TMEM44: variants seen among roughly 807,000 people sequenced by gnomAD.
TMEM44 encodes transmembrane protein 44.
A neutral mutation model predicts 47.8 loss-of-function variants in TMEM44; 43 were observed. The observed-to-expected ratio is 0.90, with a 90% CI of 0.70 to 1.16. The LOEUF (loss-of-function observed/expected upper bound fraction) is 1.16, where lower values mean the gene tolerates loss of function less well. Among genes scored for constraint, TMEM44 ranks in the 50% most tolerant of loss-of-function variants. The pLI, the probability that TMEM44 is intolerant of heterozygous loss-of-function variation, is 0.00. For missense variants in TMEM44, 568 were observed against 555.2 expected, an observed-to-expected ratio of 1.02 and a Z score of -0.23; for synonymous variants, 277 against 238.8, an observed-to-expected ratio of 1.16 and a Z score of -1.48.
chr3:194,606,616 A>G (rs1714801879), intron 8 of TMEM44, among the ~76,000 whole-genome samples: 1 of 152,154 alleles, frequency 6.6e-6, no homozygotes, highest in South Asian at 2.1e-4. Flanking sequence ...TCAATTTAAA[A>G]TAACATTATT....
Position 194,633,366 on chromosome 3 carries a change from A to G in TMEM44, c.-151T>C, listed in dbSNP as rs1456428096. 1 of 254,908 alleles carries G rather than the reference A, an allele frequency of 3.9e-6. No individual in the cohort carries two copies. The highest frequency in any genetic ancestry group is 6.2e-6 in the Non-Finnish European group (1 of 160,716). The allele number at this position is 254,908 out of a possible 1,614,324, so 15.8% of individuals were successfully genotyped here. A position where few individuals can be genotyped will look rare whatever the true frequency, so the allele number is the denominator to read the frequency against. ...CCGAGCGCACCGACCGCGGGCAGAG[A>G]AGGGCGCGCTCCCGGGCGCGGGCGG... On this transcript the variant is annotated 5_prime_UTR_variant, in exon 1 of 10. Transcript: ENST00000347147.
chr3:194,593,325 AATCT>A (rs1712993828), intron 9 of TMEM44, among the ~76,000 whole-genome samples: 1 of 152,190 alleles, frequency 6.6e-6, no homozygotes, highest in Admixed American at 6.5e-5. Context: ...GAAAAATTAC[AATCT>A]ATCAAGATTT....
intron 3 of TMEM44, 64 bp downstream of exon 3, chr3:194,625,833 G>T: frequency 1.4e-6 from 2 of 1,393,640 alleles, no homozygotes; most frequent in Non-Finnish European, 2.0e-6. Context: ...ATAAGGAGTA[G>T]GCATTCGGCG....
At position 194,623,238 on chromosome 3, in the gene TMEM44, G is replaced by C. The variant is rs1248086342; in HGVS notation, c.598C>G (p.Pro200Ala). The part of the protein sequence containing the change: ...AFGSWASRIP[P>A]LSRICRGKTF... Reference sequence around the variant, plus strand: ...CCCGGCCTCACAATTCTGGAGAGAGGGGGGATCCGAGAAGCCCAGGAGCCA... The same window carrying C: ...CCCGGCCTCACAATTCTGGAGAGAGCGGGGATCCGAGAAGCCCAGGAGCCA... Residue 200 changes from proline to alanine, a missense_variant, in exon 5 of 10, where the codon CCT (proline) becomes GCT (alanine). Coordinates refer to ENST00000347147, the MANE Select transcript of TMEM44 (RefSeq NM_001011655.3). 7 of 1,609,828 alleles carry C rather than the reference G, an allele frequency of 4.3e-6. No individual in the cohort carries two copies. Among genetic ancestry groups the C allele is most frequent in the South Asian group, 2.2e-5 (2 of 90,042 alleles).
At chr3:194,588,698 C>T (rs2109139489) in intron 9 of TMEM44, 59 bp from the exon 10 acceptor site, 2 of 1,500,518 alleles carry the variant, frequency 1.3e-6, no homozygotes, top group Admixed American at 1.7e-5. Flanking sequence ...TCTCATCTGT[C>T]ATAACCCCTG....
rs528432868 is a variant in TMEM44 at position 194,613,743 on chromosome 3, C to T, written c.912+1826G>A. On this transcript the variant is annotated intron_variant, in intron 7 of 9. Transcript: ENST00000347147. ...TCCTGACCTCATGATGCACCCACCT[C>T]GGCCTCCCAAAGTGTTGGGATTACA... Among the ~76,000 whole-genome samples the T allele has an allele frequency of 1.1e-4, 17 of 151,954 alleles. No individual in the cohort carries two copies. In the South Asian group the frequency reaches 2.5e-3, roughly 22 times the overall value.
In TMEM44 at chr3:194,593,533, C is replaced by T. The variant is rs542587204; in HGVS notation, c.1177-4894G>A. 2.0e-5 allele frequency among the ~76,000 whole-genome samples: 3 copies of T among 152,256 alleles called. No homozygotes were observed. The East Asian group carries it at 5.8e-4, about 29-fold the overall frequency. On this transcript the variant is annotated intron_variant, in intron 9 of 9. Transcript: ENST00000347147. ...AAGATTCATTTGTAGTCAGTGTTTA[C>T]TGCATGGTTGGTTCCACTCCAAACC...
intron 8 of TMEM44, among the ~76,000 whole-genome samples, chr3:194,610,492 G>A (rs1715201630): frequency 6.6e-6 from 1 of 152,068 alleles, no homozygotes; most frequent in Non-Finnish European, 1.5e-5. Flanking sequence ...ACCAGGAAGA[G>A]AGCTACTTCC....
In TMEM44 at chr3:194,594,153, A is replaced by ATCTATCTATCTGTCTGTCTGTCTGTCTG. The variant is rs1553824444; in HGVS notation, c.1177-5515_1177-5514insCAGACAGACAGACAGACAGATAGATAGA. ...TATCTATCTATCTATCTATCTATCT[A>ATCTATCTATCTGTCTGTCTGTCTGTCTG]TCTATCTATCTATATCTATCTATCT... On this transcript the variant is annotated intron_variant, in intron 9 of 9. Transcript: ENST00000347147. Among the ~76,000 whole-genome samples, 555 of 148,394 alleles carry ATCTATCTATCTGTCTGTCTGTCTGTCTG rather than the reference A, an allele frequency of 3.7e-3. 6 individuals are homozygous for ATCTATCTATCTGTCTGTCTGTCTGTCTG. The highest frequency in any genetic ancestry group is 6.9e-3 in the Middle Eastern group (2 of 290).
At chr3:194,599,676 C>G (rs1713849493) in intron 9 of TMEM44, among the ~76,000 whole-genome samples, 1 of 151,802 alleles carries the variant, frequency 6.6e-6, no homozygotes. Flanking sequence ...CCTCCGCCTC[C>G]CGGGTTCAAG....
intron 8 of TMEM44, among the ~76,000 whole-genome samples, chr3:194,607,601 G>A (rs1427114391): frequency 6.6e-6 from 1 of 152,162 alleles, no homozygotes; most frequent in Admixed American, 6.5e-5. Context: ...GTGACCTTGA[G>A]CAGGTCACTT....
intron 9 of TMEM44, among the ~76,000 whole-genome samples, chr3:194,602,089 G>A (rs1714201210): frequency 6.6e-6 from 1 of 152,162 alleles, no homozygotes; most frequent in African/African-American, 2.4e-5. Context: ...TGCCAGCCAC[G>A]TGCCTTGGGT....
At chr3:194,590,954 G>A (rs1219194100) in intron 9 of TMEM44, among the ~76,000 whole-genome samples, 1 of 152,182 alleles carries the variant, frequency 6.6e-6, no homozygotes, top group Non-Finnish European at 1.5e-5. Context: ...AGCACTTTGG[G>A]AGACTGAGGC....
intron 9 of TMEM44, among the ~76,000 whole-genome samples, chr3:194,599,025 G>A (rs779337495): frequency 5.3e-5 from 8 of 152,206 alleles, no homozygotes; most frequent in Non-Finnish European, 1.2e-4. Context: ...CAGGCCAGGG[G>A]CAGTCCAAGA....
At chr3:194,620,856 G>A (rs1048823732) in intron 5 of TMEM44, among the ~76,000 whole-genome samples, 10 of 151,584 alleles carry the variant, frequency 6.6e-5, no homozygotes, top group East Asian at 3.9e-4. Context: ...GTGCACTCTC[G>A]TCTCTACTAA....
rs574551735 is a variant in TMEM44, at chr3:194,611,193, G to C, written c.913-173C>G. Among the ~76,000 whole-genome samples, 1 of 152,028 alleles carries C rather than the reference G, an allele frequency of 6.6e-6. No homozygotes were observed. Among genetic ancestry groups the C allele is most frequent in the Non-Finnish European group, 1.5e-5 (1 of 67,998 alleles). ...TAAGATGTGTCTTATCTTTCTCTTCGAGGCCACAGTCATTTAGTGTTTCCC... is the reference window on the plus strand; with the variant it reads ...TAAGATGTGTCTTATCTTTCTCTTCCAGGCCACAGTCATTTAGTGTTTCCC... On this transcript the variant is annotated intron_variant, in intron 7 of 9. Coordinates refer to ENST00000347147, the MANE Select transcript of TMEM44 (RefSeq NM_001011655.3). This position sits in a 1 kb window ranked among gnomAD's most constrained non-coding sequence, Gnocchi z 4.2.
chr3:194,623,764 G>C, intron 3 of TMEM44, 69 bp from the exon 4 acceptor site: 2 of 1,590,908 alleles, frequency 1.3e-6, no homozygotes, highest in South Asian at 1.1e-5. Flanking sequence ...TAGCTGCGTG[G>C]GAAGAACTGG....
intron 9 of TMEM44, among the ~76,000 whole-genome samples, chr3:194,603,589 G>C (rs1335227440): frequency 6.6e-6 from 1 of 152,072 alleles, no homozygotes; most frequent in Admixed American, 6.6e-5. Flanking sequence ...GTAGAGACAG[G>C]GTTTCTCCAT....
Position 194,609,299 on chromosome 3 carries a change from A to C in TMEM44, c.1017+1617T>G, listed in dbSNP as rs111628880. Among the ~76,000 whole-genome samples, 231 of 151,964 alleles carry C rather than the reference A, an allele frequency of 1.5e-3. 1 individual carries two copies. Among genetic ancestry groups the C allele is most frequent in the African/African-American group, 5.5e-3 (227 of 41,434 alleles). The stretch of plus-strand genomic sequence containing the variant: ...TCAGCAAGAACTGGTGTGCAGAGCG[A>C]GGGGACTGTGGGACTGCAGGGCCCA... On this transcript the variant is annotated intron_variant, in intron 8 of 9. Transcript: ENST00000347147.
Sources: allele counts gnomAD v4.1 joint callset (sites outside exome capture counted in the v4.1 genomes callset), GRCh38; gene constraint gnomAD v4.1.1; non-coding constraint Gnocchi (gnomAD v3.1); transcripts MANE v1.5; gene names NCBI Gene and HGNC (gene_info 2026-07-23, HGNC 2026-07-21).